The following PDCD7 variants were observed in gnomAD, a reference collection of about 807,000 sequenced individuals.
PDCD7 encodes the protein programmed cell death 7, also known as programmed cell death protein 7.
Under a neutral mutation model 42.1 loss-of-function variants are expected in PDCD7, and 40 were observed. The ratio of observed to expected loss-of-function variants is 0.95; its 90% CI spans 0.74 to 1.24. The LOEUF (loss-of-function observed/expected upper bound fraction) is 1.24. Among genes scored for constraint, PDCD7 ranks in the 50% most tolerant of loss-of-function variants. The pLI is 0.00. For synonymous variants in PDCD7, 299 were observed against 303.3 expected (o/e 0.99, Z 0.15); for missense variants, 644 against 662.8 (o/e 0.97, Z 0.31).
chr15:65,127,988 T>C (rs959951899), intron 2 of PDCD7, among the ~76,000 whole-genome samples: 46 of 152,320 alleles, frequency 3.0e-4, no homozygotes, highest in African/African-American at 1.0e-3. Flanking sequence ...GAGGTCTGGA[T>C]GTGAATTAGC....
At position 65,121,826 on chromosome 15, in the gene PDCD7, T is replaced by C. The variant is rs185330325; in HGVS notation, c.1010-1872A>G. 7.2e-4 allele frequency among the ~76,000 whole-genome samples: 110 copies of C among 152,326 alleles called. 1 individual carries two copies. Among genetic ancestry groups the C allele is most frequent in the African/African-American group, 2.6e-3 (108 of 41,570 alleles). The stretch of plus-strand genomic sequence containing the variant: ...TGATGAGTGTTTATGTATTCTATTT[T>C]TGTGCATGTGTGAAATGTTTCATAA... On this transcript the variant is annotated intron_variant, in intron 2 of 4. Coordinates refer to ENST00000204549, the MANE Select transcript of PDCD7 (RefSeq NM_005707.2).
rs1478687271 is a variant in PDCD7 at position 65,133,329 on chromosome 15, G to A, written c.453C>T (p.Phe151=). Residue 151 remains phenylalanine, a synonymous_variant, in exon 1 of 5, where the codon TTC becomes TTT. Coordinates refer to ENST00000204549, the MANE Select transcript of PDCD7 (RefSeq NM_005707.2). ...GACAGCCTGCCCGCCGCGGGGTCCC[G>A]AACACCGCCTCCAGCCACTGCCGGT... ...LRDRQWLEAV[F]GTPRRAGCPV... The A allele has an allele frequency of 3.1e-6, 4 of 1,287,530 alleles. No homozygotes were observed. Among genetic ancestry groups the A allele is most frequent in the Non-Finnish European group, 2.9e-6 (3 of 1,020,086 alleles). 79.8% of individuals were successfully genotyped at this position (1,287,530 alleles called of 1,614,324 possible).
chr15:65,133,220 G>A lies in PDCD7; in HGVS notation c.562C>T (p.Leu188=). The change falls in exon 1 of 5, where the codon CTG becomes TTG. Residue 188 remains leucine (L), a synonymous_variant. Transcript: ENST00000204549. ...LLRALRLVRR[L]RGLSQALREA... ...CGCAGGGCCTGGCTCAGGCCGCGCA[G>A]CCGCCGCACCAGGCGCAGAGCCCGG... 1 of 1,380,936 alleles carries A rather than the reference G, an allele frequency of 7.2e-7. No homozygotes were observed. The highest frequency in any genetic ancestry group is 1.7e-5 in the South Asian group (1 of 59,718). 85.5% of individuals were successfully genotyped at this position (1,380,936 alleles called of 1,614,324 possible). A position where few individuals can be genotyped will look rare whatever the true frequency, so the allele number is the denominator to read the frequency against.
At chr15:65,128,237 T>A in intron 2 of PDCD7, among the ~76,000 whole-genome samples, 1 of 152,216 alleles carries the variant, frequency 6.6e-6, no homozygotes, top group East Asian at 1.9e-4. Flanking sequence ...AATCAGCATG[T>A]GGTCCAAAGC....
chr15:65,126,859 T>C (rs2087500333), intron 2 of PDCD7, among the ~76,000 whole-genome samples: 3 of 152,174 alleles, frequency 2.0e-5, no homozygotes, highest in Non-Finnish European at 4.4e-5. Context: ...TCCTGTACTC[T>C]GAGTTCCTTA....
At chr15:65,132,494 C>CCCGCCT (rs1251243244) in intron 1 of PDCD7, among the ~76,000 whole-genome samples, 3 of 152,006 alleles carry the variant, frequency 2.0e-5, no homozygotes, top group Non-Finnish European at 4.4e-5. Context: ...TCGTGATCCA[C>CCCGCCT]CCGCCTCCGC....
chr15:65,132,408 C>T (rs1245094821), intron 1 of PDCD7, among the ~76,000 whole-genome samples: 1 of 151,898 alleles, frequency 6.6e-6, no homozygotes, highest in Non-Finnish European at 1.5e-5. Context: ...CCCGCCACCA[C>T]GCATGGCTAA....
In PDCD7 at chr15:65,117,440, C is replaced by T. The variant is rs1036319824; in HGVS notation, c.*1277G>A. 2 of 152,092 alleles carry T rather than the reference C, an allele frequency of 1.3e-5. No individual in the cohort carries two copies. The highest frequency in any genetic ancestry group is 6.6e-5 in the Admixed American group (1 of 15,250). 9.4% of individuals were successfully genotyped at this position (152,092 alleles called of 1,614,324 possible). A position where few individuals can be genotyped will look rare whatever the true frequency, so the allele number is the denominator to read the frequency against. On this transcript the variant is annotated 3_prime_UTR_variant, in exon 5 of 5. Coordinates refer to ENST00000204549, the MANE Select transcript of PDCD7 (RefSeq NM_005707.2). ...AATATAACAAAATAATTGGCAAAAA[C>T]CAAACCAAAACAGAACCAAAAAAAT... is the stretch of plus-strand genomic sequence containing the variant.
intron 1 of PDCD7, among the ~76,000 whole-genome samples, chr15:65,129,915 A>ATTT (rs746709395): frequency 1.5e-4 from 13 of 84,954 alleles, no homozygotes; most frequent in South Asian, 3.6e-4. Flanking sequence ...GAAACTTTGT[A>ATTT]TTTTTTTTTT....
chr15:65,119,530 G>C (rs1367682531), intron 3 of PDCD7, 67 bp from the exon 4 acceptor site: 21 of 1,300,052 alleles, frequency 1.6e-5, no homozygotes, highest in Non-Finnish European at 2.2e-5. Flanking sequence ...TCAAGGCAAG[G>C]TGACTGAGCC....
intron 1 of PDCD7, among the ~76,000 whole-genome samples, chr15:65,130,253 GT>G (rs1466222621): frequency 6.7e-6 from 1 of 150,188 alleles, no homozygotes; most frequent in Non-Finnish European, 1.5e-5. Context: ...CGCCTCCTGG[GT>G]TCAAGCGATT....
At chr15:65,119,643 G>A (rs891252110) in intron 3 of PDCD7, 75 bp downstream of exon 3, 2 of 1,489,914 alleles carry the variant, frequency 1.3e-6, no homozygotes, top group Non-Finnish European at 1.8e-6. Flanking sequence ...CCACCTCTTA[G>A]CTTGAGATCA....
At chr15:65,128,968 G>C in intron 2 of PDCD7, 64 bp downstream of exon 2, 1 of 1,554,242 alleles carries the variant, frequency 6.4e-7, no homozygotes, top group Non-Finnish European at 8.8e-7. Context: ...TAATATTTGG[G>C]GTGGGAGGAG....
At chr15:65,124,216 G>A (rs1366132497) in intron 2 of PDCD7, among the ~76,000 whole-genome samples, 1 of 152,070 alleles carries the variant, frequency 6.6e-6, no homozygotes, top group Non-Finnish European at 1.5e-5. Context: ...GAGGTCAGGA[G>A]TTTGAGACCA....
At chr15:65,126,563 G>C (rs1289801269) in intron 2 of PDCD7, among the ~76,000 whole-genome samples, 1 of 151,946 alleles carries the variant, frequency 6.6e-6, no homozygotes, top group Non-Finnish European at 1.5e-5. Flanking sequence ...AGACCAGCTT[G>C]GGCAACATGG....
In PDCD7 at chr15:65,133,312, G is replaced by A; in HGVS notation, c.470C>T (p.Ala157Val). 1 of 1,294,362 alleles carries A rather than the reference G, an allele frequency of 7.7e-7. No individual in the cohort carries two copies. Among genetic ancestry groups the A allele is most frequent in the South Asian group, 2.4e-5 (1 of 40,936 alleles). The allele number at this position is 1,294,362 out of a possible 1,614,324, so 80.2% of individuals were successfully genotyped here. A position where few individuals can be genotyped will look rare whatever the true frequency, so the allele number is the denominator to read the frequency against. ...LEAVFGTPRR[A>V]GCPVPQRTHA... ...CGTGCGCTGGGGCACCGGACAGCCT[G>A]CCCGCCGCGGGGTCCCGAACACCGC... Residue 157 changes from alanine to valine, a missense_variant, in exon 1 of 5, where the codon GCA becomes GTA. Coordinates refer to ENST00000204549, the MANE Select transcript of PDCD7 (RefSeq NM_005707.2).
At chr15:65,127,723 T>C (rs561649591) in intron 2 of PDCD7, among the ~76,000 whole-genome samples, 2 of 152,312 alleles carry the variant, frequency 1.3e-5, no homozygotes, top group South Asian at 2.1e-4. Flanking sequence ...TTTATTTCTA[T>C]AGATAATGAT....
chr15:65,128,617 T>C (rs1349794396), intron 2 of PDCD7, among the ~76,000 whole-genome samples: 2 of 152,192 alleles, frequency 1.3e-5, no homozygotes, highest in Non-Finnish European at 2.9e-5. Context: ...CAAATAGAAA[T>C]AATTCAGGTT....
chr15:65,130,237 A>T (rs997284901), intron 1 of PDCD7, among the ~76,000 whole-genome samples: 3 of 139,372 alleles, frequency 2.2e-5, no homozygotes, highest in Non-Finnish European at 4.5e-5. Context: ...GGCTTACTGC[A>T]ACCTCCGCCT....
Sources: allele counts gnomAD v4.1 joint callset (sites outside exome capture counted in the v4.1 genomes callset), GRCh38; gene constraint gnomAD v4.1.1; transcripts MANE v1.5; gene names NCBI Gene and HGNC (gene_info 2026-07-23, HGNC 2026-07-21).